Variants in NOCT observed in about 807,000 individuals in gnomAD.
NOCT encodes the protein CCR4 carbon catabolite repression 4-like.
NOCT carries 18 observed loss-of-function variants against 35.0 expected under a neutral mutation model. That is an observed-to-expected ratio of 0.51 (90% confidence interval 0.36 to 0.76). The LOEUF (loss-of-function observed/expected upper bound fraction) is 0.76. Ranked by LOEUF, NOCT falls within the 30% of genes least tolerant of loss-of-function variation. The pLI, the probability that NOCT is intolerant of heterozygous loss-of-function variation, is 0.01. For missense variants in NOCT, 479 were observed against 541.0 expected (o/e 0.89, Z 1.14); for synonymous variants, 235 against 226.3 (o/e 1.04, Z -0.34).
chr4:139,042,926 A>G (rs1726861703), intron 1 of NOCT, 148 bp from the exon 2 acceptor site: 3 of 697,770 alleles, frequency 4.3e-6, no homozygotes, highest in South Asian at 2.8e-5. Context: ...AAAAAAAAAA[A>G]AAAGAAAAAA....
chr4:139,019,497 A>G (rs924460897), intron 1 of NOCT, among the ~76,000 whole-genome samples: 1 of 152,214 alleles, frequency 6.6e-6, no homozygotes, highest in Admixed American at 6.5e-5. Flanking sequence ...TATGCCCTCA[A>G]ATTTGGACAT....
At chr4:139,021,203 T>C (rs889200403) in intron 1 of NOCT, among the ~76,000 whole-genome samples, 1 of 152,024 alleles carries the variant, frequency 6.6e-6, no homozygotes, top group Non-Finnish European at 1.5e-5. Flanking sequence ...GGTTTTGCCG[T>C]GTTGCCCAGG....
chr4:139,018,700 T>C (rs1021275747), intron 1 of NOCT, among the ~76,000 whole-genome samples: 1 of 152,222 alleles, frequency 6.6e-6, no homozygotes, highest in Non-Finnish European at 1.5e-5. Flanking sequence ...CTTTAGTCAG[T>C]CCCTAAGGAG....
chr4:139,043,832 T>A (rs1425478430), intron 2 of NOCT: 1 of 153,220 alleles, frequency 6.5e-6, no homozygotes, highest in East Asian at 1.9e-4. Flanking sequence ...GGAGAATCGC[T>A]TGAACCCAGA....
chr4:139,016,647 T>A (rs1382154238), intron 1 of NOCT, among the ~76,000 whole-genome samples: 1 of 66,470 alleles, frequency 1.5e-5, no homozygotes, highest in Non-Finnish European at 3.1e-5. Context: ...CGTTGTTTTT[T>A]TTTTTTTTTT....
intron 1 of NOCT, among the ~76,000 whole-genome samples, chr4:139,021,104 G>A (rs1726403015): frequency 6.6e-6 from 1 of 150,502 alleles, no homozygotes; most frequent in Non-Finnish European, 1.5e-5. Flanking sequence ...CTTTGAGCTT[G>A]GGGCCTAAGG....
intron 1 of NOCT, among the ~76,000 whole-genome samples, chr4:139,026,862 C>CTTTTTT (rs1165378672): frequency 8.3e-6 from 1 of 120,332 alleles, no homozygotes; most frequent in African/African-American, 3.5e-5. Context: ...TTTTTTTTTT[C>CTTTTTT]TTTTTTTTTT....
chr4:139,015,951 G>A lies in NOCT; in HGVS notation c.-31G>A. On this transcript the variant is annotated 5_prime_UTR_variant, in exon 1 of 3. Transcript: ENST00000280614. ...CAGCCGGGCTCCGCTCCTCGGGCGC[G>A]CGAGGGGCCGTGGTGGCGGCGGCGC... The A allele has an allele frequency of 1.5e-6, 2 of 1,314,072 alleles. No homozygotes were observed. The highest frequency in any genetic ancestry group is 9.7e-7 in the Non-Finnish European group (1 of 1,035,442). 81.4% of individuals were successfully genotyped at this position (1,314,072 alleles called of 1,614,324 possible).
intron 1 of NOCT, 113 bp from the exon 2 acceptor site, chr4:139,042,961 G>A: frequency 1.1e-6 from 1 of 938,658 alleles, no homozygotes; most frequent in Non-Finnish European, 1.6e-6. Context: ...CACTATTATG[G>A]CAACAATTGA....
chr4:139,024,187 A>G (rs1726473762), intron 1 of NOCT, among the ~76,000 whole-genome samples: 1 of 151,534 alleles, frequency 6.6e-6, no homozygotes, highest in South Asian at 2.1e-4. Flanking sequence ...CAGCCTCTGA[A>G]GTAGCTGGGA....
intron 1 of NOCT, among the ~76,000 whole-genome samples, chr4:139,029,813 A>G (rs886398945): frequency 6.6e-6 from 1 of 152,152 alleles, no homozygotes; most frequent in Non-Finnish European, 1.5e-5. Flanking sequence ...ATGGACCTTC[A>G]GGGGACGTGT....
At chr4:139,027,607 C>T (rs1051583381) in intron 1 of NOCT, among the ~76,000 whole-genome samples, 3 of 151,984 alleles carry the variant, frequency 2.0e-5, no homozygotes, top group Non-Finnish European at 2.9e-5. Flanking sequence ...TCACTCCATT[C>T]TCCTGCCTCA....
chr4:139,020,829 G>C (rs930153420), intron 1 of NOCT, among the ~76,000 whole-genome samples: 1 of 152,022 alleles, frequency 6.6e-6, no homozygotes, highest in African/African-American at 2.4e-5. Context: ...ACTTTGGGAG[G>C]CCGAGGTGCG....
intron 1 of NOCT, 136 bp downstream of exon 1, chr4:139,016,307 G>T (rs988844828): frequency 2.9e-5 from 13 of 455,552 alleles, no homozygotes; most frequent in Admixed American, 1.4e-4. Context: ...TCCTTTACCG[G>T]AGCAACCTTC....
chr4:139,023,836 A>G (rs937504144), intron 1 of NOCT, among the ~76,000 whole-genome samples: 8 of 152,150 alleles, frequency 5.3e-5, no homozygotes, highest in Non-Finnish European at 1.2e-4. Flanking sequence ...GATTATCTGT[A>G]GAAGCTTACA....
In NOCT at chr4:139,045,458, C is replaced by G. The variant is rs1258734176; in HGVS notation, c.1280C>G (p.Ser427Cys). 1.9e-6 allele frequency: 3 copies of G among 1,560,944 alleles called. No homozygotes were observed. In the South Asian group the frequency reaches 3.4e-5, roughly 18 times the overall value. Residue 427 changes from serine (S) to cysteine (C), a missense_variant, in exon 3 of 3, where the codon TCT (serine) becomes TGT (cysteine). Physicochemically the swap from Ser to Cys is moderately radical, Grantham distance 112. Transcript: ENST00000280614. ...TGTGACTTCAGCTTTACTGAGGAAT[C>G]TGATGGACTTTCATAAATACTTGCT... Reference protein sequence around the residue: ...LVCDFSFTEESDGLS With the variant: ...LVCDFSFTEECDGLS
At chr4:139,021,008 A>G (rs1286733575) in intron 1 of NOCT, among the ~76,000 whole-genome samples, 1 of 149,574 alleles carries the variant, frequency 6.7e-6, no homozygotes, top group African/African-American at 2.5e-5. Context: ...CGGAGGTATC[A>G]GTGAGCCGAG....
chr4:139,043,232 G>A lies in NOCT; in HGVS notation c.349G>A (p.Val117Ile), dbSNP rs200904457. The A allele has an allele frequency of 2.5e-5, 41 of 1,614,056 alleles. No homozygotes were observed. The highest frequency in any genetic ancestry group is 1.6e-4 in the Middle Eastern group (1 of 6,084). ...AGAGCTTCTTGAGGAATGCAGGGCC[G>A]TCCTGCACACCCGACCTCCCCGGTT... is the stretch of plus-strand genomic sequence containing the variant. Reference protein sequence around the residue: ...PKELLEECRAVLHTRPPRFQR... With the variant: ...PKELLEECRAILHTRPPRFQR... Residue 117 changes from valine (V) to isoleucine (I), a missense_variant, in exon 2 of 3, where the codon GTC becomes ATC. By Grantham distance (29) the Val-to-Ile change is conservative (BLOSUM62 3). This residue lies in a region of NOCT where 265 missense variants were observed against 257.0 expected (regional missense o/e 1.03). Transcript: ENST00000280614.
intron 1 of NOCT, among the ~76,000 whole-genome samples, chr4:139,036,718 A>G (rs1726744168): frequency 6.6e-6 from 1 of 152,194 alleles, no homozygotes; most frequent in African/African-American, 2.4e-5. Context: ...GCATAACTCA[A>G]TAAAACTACA....
Sources: allele counts gnomAD v4.1 joint callset (sites outside exome capture counted in the v4.1 genomes callset), GRCh38; gene constraint gnomAD v4.1.1; regional missense constraint gnomAD v4.1.1; transcripts MANE v1.5; gene names NCBI Gene and HGNC (gene_info 2026-07-23, HGNC 2026-07-21).